Variants in ATG14 observed in about 807,000 individuals in gnomAD.
The protein encoded by ATG14 is autophagy related 14.
In ATG14, 35 loss-of-function variants were observed where a neutral mutation model predicts 60.4. The ratio of observed to expected loss-of-function variants is 0.58; its 90% CI spans 0.44 to 0.77. The LOEUF is 0.77. ATG14 is among the 30% of genes least tolerant of loss of function. The probability of loss-of-function intolerance (pLI) is 0.00; values close to 1 mark genes in which losing one functional copy is unlikely to be tolerated. For synonymous variants in ATG14, 234 were observed against 228.8 expected, an observed-to-expected ratio of 1.02 and a Z score of -0.21; for missense variants, 647 against 626.3, an observed-to-expected ratio of 1.03 and a Z score of -0.35.
intron 1 of ATG14, among the ~76,000 whole-genome samples, chr14:55,409,342 T>C (rs1476860541): frequency 6.6e-6 from 1 of 152,218 alleles, no homozygotes; most frequent in Non-Finnish European, 1.5e-5. Flanking sequence ...TTATTGAGTT[T>C]CTACTATGTG....
At chr14:55,410,500 A>G (rs1365334823) in intron 1 of ATG14, among the ~76,000 whole-genome samples, 2 of 152,246 alleles carry the variant, frequency 1.3e-5, no homozygotes, top group African/African-American at 4.8e-5. Context: ...AATAAGACAC[A>G]GCAACAAAAC....
rs868190142 is a variant in ATG14 at position 55,366,550 on chromosome 14, C to T, written c.*3069G>A. 6.6e-6 allele frequency: 1 copy of T among 152,666 alleles called. No homozygotes were observed. The highest frequency in any genetic ancestry group is 2.1e-4 in the South Asian group (1 of 4,830). The allele number at this position is 152,666 out of a possible 1,614,324, so 9.5% of individuals were successfully genotyped here. Reference sequence around the variant, plus strand: ...TCCTCTAACAGCATGCCACTGAATGCTCTTCCCCAAATTGAGTCCTTACAT... The same window carrying T: ...TCCTCTAACAGCATGCCACTGAATGTTCTTCCCCAAATTGAGTCCTTACAT... On this transcript the variant is annotated 3_prime_UTR_variant, in exon 10 of 10. Coordinates refer to ENST00000247178, the MANE Select transcript of ATG14 (RefSeq NM_014924.5).
chr14:55,396,013 T>C (rs1264207870), intron 2 of ATG14, 31 bp from the exon 3 acceptor site: 8 of 1,526,542 alleles, frequency 5.2e-6, no homozygotes, highest in Non-Finnish European at 7.1e-6. Context: ...AAATAAGCTC[T>C]TAAAAATAAT....
chr14:55,381,551 G>C (rs943782229), intron 6 of ATG14, among the ~76,000 whole-genome samples: 1 of 152,138 alleles, frequency 6.6e-6, no homozygotes, highest in African/African-American at 2.4e-5. Flanking sequence ...CCATATGATG[G>C]AATATTACTC....
chr14:55,408,841 C>A (rs1885528762), intron 1 of ATG14, among the ~76,000 whole-genome samples: 1 of 152,130 alleles, frequency 6.6e-6, no homozygotes, highest in Non-Finnish European at 1.5e-5. Context: ...GAGCATGAGT[C>A]AAAAGCCCAC....
chr14:55,409,851 G>C (rs1374663760), intron 1 of ATG14, among the ~76,000 whole-genome samples: 1 of 152,212 alleles, frequency 6.6e-6, no homozygotes, highest in Non-Finnish European at 1.5e-5. Context: ...AACTGTGGCT[G>C]CAATATGGAA....
At chr14:55,406,729 T>G (rs192141730) in intron 1 of ATG14, among the ~76,000 whole-genome samples, 3 of 152,322 alleles carry the variant, frequency 2.0e-5, no homozygotes, top group Admixed American at 6.5e-5. Flanking sequence ...CAAACTATTC[T>G]TCTTAAAGCA....
chr14:55,393,861 A>AC (rs1299803724), intron 3 of ATG14, among the ~76,000 whole-genome samples: 2 of 151,840 alleles, frequency 1.3e-5, no homozygotes, highest in Admixed American at 1.3e-4. Context: ...AGATTTTATA[A>AC]GAGTATATTT....
intron 9 of ATG14, among the ~76,000 whole-genome samples, chr14:55,376,608 C>T (rs1884923231): frequency 6.6e-6 from 1 of 152,180 alleles, no homozygotes; most frequent in African/African-American, 2.4e-5. Context: ...AGCAGATTAT[C>T]ACTGAAAGTT....
intron 1 of ATG14, among the ~76,000 whole-genome samples, chr14:55,402,338 A>C (rs2140149685): frequency 6.6e-6 from 1 of 152,298 alleles, no homozygotes; most frequent in Middle Eastern, 3.4e-3. Flanking sequence ...TATTTTAAGA[A>C]AGGCAAAAAA....
chr14:55,403,901 G>A (rs1885450294), intron 1 of ATG14, among the ~76,000 whole-genome samples: 2 of 152,096 alleles, frequency 1.3e-5, no homozygotes, highest in South Asian at 4.1e-4. Context: ...TTAAAAACAT[G>A]CATTTTAGAT....
At chr14:55,370,490 A>T (rs1241757749) in intron 9 of ATG14, among the ~76,000 whole-genome samples, 1 of 152,224 alleles carries the variant, frequency 6.6e-6, no homozygotes, top group Non-Finnish European at 1.5e-5. Flanking sequence ...ATATTTCTGC[A>T]CTGTATTTCA....
At chr14:55,394,272 T>C (rs1249826718) in intron 3 of ATG14, among the ~76,000 whole-genome samples, 1 of 152,208 alleles carries the variant, frequency 6.6e-6, no homozygotes. Flanking sequence ...CCCAAAGTGC[T>C]GGGATTATAG....
chr14:55,381,997 C>A lies in ATG14; in HGVS notation c.842G>T (p.Ser281Ile), dbSNP rs1301541268. The A allele has an allele frequency of 6.2e-7, 1 of 1,614,186 alleles. No homozygotes were observed. The highest frequency in any genetic ancestry group is 1.3e-5 in the African/African-American group (1 of 75,044). Residue 281 changes from serine (S) to isoleucine (I), a missense_variant, in exon 6 of 10, where the codon AGC becomes ATC. Transcript: ENST00000247178. ...GGTTGTTTTCTTCTCCTCCACCCAG[C>A]TGTAGTAGGCAGAGTAGTCCCCATT... ...PNNGDYSAYY[S>I]WVEEKKTTQG...
At chr14:55,379,392 A>T (rs1884986077) in intron 7 of ATG14, among the ~76,000 whole-genome samples, 1 of 151,858 alleles carries the variant, frequency 6.6e-6, no homozygotes, top group Non-Finnish European at 1.5e-5. Context: ...ACAAAAAAAA[A>T]TTAGCCAGGT....
Position 55,369,760 on chromosome 14 carries a change from G to A in ATG14, c.1338C>T (p.Ile446=), listed in dbSNP as rs745383116. 90 of 1,614,066 alleles carry A rather than the reference G, an allele frequency of 5.6e-5. 5 individuals are homozygous for A. The South Asian group carries it at 9.9e-4, about 18-fold the overall frequency. The part of the protein sequence containing the change: ...ENLPSPRFCD[I]PSQSVEVSQS... Reference sequence around the variant, plus strand: ...GGGAGACTTCCACAGACTGGGAAGGGATATCACAAAACCGGGGACTAGGCA... The same window carrying A: ...GGGAGACTTCCACAGACTGGGAAGGAATATCACAAAACCGGGGACTAGGCA... Residue 446 remains isoleucine, a synonymous_variant, in exon 10 of 10, where the codon ATC becomes ATT. Coordinates refer to ENST00000247178, the MANE Select transcript of ATG14 (RefSeq NM_014924.5).
intron 9 of ATG14, among the ~76,000 whole-genome samples, chr14:55,374,237 G>A (rs1336323800): frequency 6.6e-6 from 1 of 151,812 alleles, no homozygotes; most frequent in Non-Finnish European, 1.5e-5. Flanking sequence ...AAGAGATGGG[G>A]GTCTCACTGT....
intron 9 of ATG14, among the ~76,000 whole-genome samples, chr14:55,376,779 A>T (rs1176221869): frequency 1.3e-5 from 2 of 152,170 alleles, no homozygotes; most frequent in African/African-American, 4.8e-5. Flanking sequence ...ATATATAACC[A>T]TATCACATCT....
chr14:55,395,148 G>A, intron 3 of ATG14: 1 of 471,026 alleles, frequency 2.1e-6, no homozygotes. Context: ...TTTTGCAGGA[G>A]CAGGTTCAGC....
Sources: gnomAD v4.1 joint callset for allele counts (sites outside exome capture counted in the v4.1 genomes callset) on GRCh38, gnomAD v4.1.1 for gene constraint, MANE v1.5 for transcripts, NCBI Gene and HGNC (gene_info 2026-07-23, HGNC 2026-07-21) for gene names.